C8orf34: variants seen among roughly 807,000 people sequenced by gnomAD.
C8orf34 encodes the protein uncharacterized protein C8orf34.
A neutral mutation model predicts 68.3 loss-of-function variants in C8orf34; 65 were observed. The observed-to-expected ratio is 0.95, with a 90% CI of 0.78 to 1.17. The LOEUF (loss-of-function observed/expected upper bound fraction) is 1.17. C8orf34 is among the 50% of genes most tolerant of loss of function. The pLI, the probability that C8orf34 is intolerant of heterozygous loss-of-function variation, is 0.00. For synonymous variants in C8orf34, 244 were observed against 241.2 expected (o/e 1.01, Z -0.11); for missense variants, 664 against 655.4 (o/e 1.01, Z -0.14).
intron 7 of C8orf34, among the ~76,000 whole-genome samples, chr8:68,557,605 A>G (rs1463009876): frequency 6.6e-6 from 1 of 152,126 alleles, no homozygotes; most frequent in Non-Finnish European, 1.5e-5. Flanking sequence ...AGCTATCAGA[A>G]TGTGCTTTGG....
intron 5 of C8orf34, among the ~76,000 whole-genome samples, chr8:68,514,025 A>T (rs1049883707): frequency 2.0e-5 from 3 of 152,162 alleles, no homozygotes; most frequent in Admixed American, 2.0e-4. Flanking sequence ...GGCATCAAAA[A>T]TGTTGCAGGA....
chr8:68,589,715 G>T (rs1474867413), intron 7 of C8orf34, among the ~76,000 whole-genome samples: 1 of 143,562 alleles, frequency 7.0e-6, no homozygotes, highest in Non-Finnish European at 1.5e-5. Flanking sequence ...GAGAAAGGAG[G>T]AAAGGAAGGA....
chr8:68,744,207 G>A (rs571286587), intron 10 of C8orf34, among the ~76,000 whole-genome samples: 56 of 152,028 alleles, frequency 3.7e-4, no homozygotes, highest in African/African-American at 1.3e-3. Flanking sequence ...CAAACAGAAA[G>A]GACATCCACA....
chr8:68,547,334 A>G (rs1309449268), intron 7 of C8orf34, among the ~76,000 whole-genome samples: 2 of 151,810 alleles, frequency 1.3e-5, no homozygotes, highest in African/African-American at 2.4e-5. Flanking sequence ...GTAAAACAAG[A>G]AGAAAAGTAT....
Position 68,818,647 on chromosome 8 carries a change from A to C in C8orf34, c.*401A>C, listed in dbSNP as rs1183667984. The C allele has an allele frequency of 6.3e-6, 1 of 159,992 alleles. No individual in the cohort carries two copies. The highest frequency in any genetic ancestry group is 1.8e-4 in the East Asian group (1 of 5,538). The allele number at this position is 159,992 out of a possible 1,614,324, so 9.9% of individuals were successfully genotyped here. ...ATAATATTTTCTCATTTTTTAGATTACTAAACATTCTACTTATCCACATGT... is the reference window on the plus strand; with the variant it reads ...ATAATATTTTCTCATTTTTTAGATTCCTAAACATTCTACTTATCCACATGT... On this transcript the variant is annotated 3_prime_UTR_variant, in exon 14 of 14. Coordinates refer to ENST00000518698, the MANE Select transcript of C8orf34 (RefSeq NM_052958.4).
chr8:68,503,493 T>G (rs1813867092), intron 5 of C8orf34, among the ~76,000 whole-genome samples: 1 of 152,104 alleles, frequency 6.6e-6, no homozygotes. Context: ...TTTCCACTTT[T>G]GTATTTGTAT....
At chr8:68,341,767 C>T (rs1270134241) in intron 1 of C8orf34, among the ~76,000 whole-genome samples, 1 of 152,208 alleles carries the variant, frequency 6.6e-6, no homozygotes, top group African/African-American at 2.4e-5. Context: ...TGAGGCCGTC[C>T]CAGAAGCTGA....
At chr8:68,530,216 A>G (rs1370166935) in intron 6 of C8orf34, among the ~76,000 whole-genome samples, 3 of 152,088 alleles carry the variant, frequency 2.0e-5, no homozygotes, top group African/African-American at 7.2e-5. Context: ...TAATAGTCCA[A>G]CCACTGGATT....
chr8:68,757,898 C>T (rs982708091), intron 10 of C8orf34, among the ~76,000 whole-genome samples: 12 of 152,156 alleles, frequency 7.9e-5, no homozygotes, highest in Admixed American at 5.9e-4. Context: ...AAACATATAA[C>T]ATCAACTTTA....
intron 7 of C8orf34, among the ~76,000 whole-genome samples, chr8:68,635,840 A>G (rs543960037): frequency 2.0e-5 from 3 of 152,256 alleles, no homozygotes; most frequent in Admixed American, 6.5e-5. Context: ...CACAGGGGGA[A>G]CTCTAATATC....
chr8:68,662,014 A>G (rs1819694637), intron 8 of C8orf34, among the ~76,000 whole-genome samples: 1 of 152,160 alleles, frequency 6.6e-6, no homozygotes. Context: ...CATGTTAATT[A>G]TATGCAAATA....
Position 68,672,611 on chromosome 8 carries a change from C to T in C8orf34, c.1241+32100C>T, listed in dbSNP as rs139630252. Reference sequence around the variant, plus strand: ...GAGGGAAATCACTCATACCAGCTATCAGAACCTGAGTTCCAGCAAGCCTTG... The same window carrying T: ...GAGGGAAATCACTCATACCAGCTATTAGAACCTGAGTTCCAGCAAGCCTTG... On this transcript the variant is annotated intron_variant, in intron 8 of 13. Coordinates refer to ENST00000518698, the MANE Select transcript of C8orf34 (RefSeq NM_052958.4). 5.9e-5 allele frequency among the ~76,000 whole-genome samples: 9 copies of T among 152,280 alleles called. No individual in the cohort carries two copies. The East Asian group carries it at 1.7e-3, about 29-fold the overall frequency.
chr8:68,755,309 T>C (rs1255966654), intron 10 of C8orf34, among the ~76,000 whole-genome samples: 1 of 152,176 alleles, frequency 6.6e-6, no homozygotes, highest in Admixed American at 6.6e-5. Flanking sequence ...TTGAGTCTGC[T>C]CTAATTCCCT....
At chr8:68,477,558 C>T (rs1026440788) in intron 4 of C8orf34, among the ~76,000 whole-genome samples, 1 of 152,210 alleles carries the variant, frequency 6.6e-6, no homozygotes, top group African/African-American at 2.4e-5. Flanking sequence ...GATCTACTGA[C>T]AGCTTGAACT....
At chr8:68,358,299 A>G (rs1806833821) in intron 1 of C8orf34, among the ~76,000 whole-genome samples, 2 of 152,050 alleles carry the variant, frequency 1.3e-5, no homozygotes, top group African/African-American at 2.4e-5. Flanking sequence ...ATGAACAGCA[A>G]AGATGAAGCA....
At chr8:68,720,888 C>T (rs1205378022) in intron 9 of C8orf34, among the ~76,000 whole-genome samples, 2 of 151,876 alleles carry the variant, frequency 1.3e-5, no homozygotes, top group African/African-American at 4.8e-5. Context: ...AACCAATCAC[C>T]ATTTAATAAT....
At chr8:68,638,272 C>A (rs1818904910) in intron 7 of C8orf34, among the ~76,000 whole-genome samples, 1 of 150,712 alleles carries the variant, frequency 6.6e-6, no homozygotes, top group Non-Finnish European at 1.5e-5. Context: ...CTGGTGCCAC[C>A]AAAAATGCCA....
At chr8:68,708,570 T>C (rs1177121381) in intron 8 of C8orf34, among the ~76,000 whole-genome samples, 1 of 152,188 alleles carries the variant, frequency 6.6e-6, no homozygotes, top group African/African-American at 2.4e-5. Context: ...GTTGGTTGAT[T>C]TGCAAGATTG....
intron 7 of C8orf34, among the ~76,000 whole-genome samples, chr8:68,555,907 A>G (rs1464736219): frequency 2.0e-5 from 3 of 152,140 alleles, no homozygotes; most frequent in African/African-American, 4.8e-5. Flanking sequence ...AGGTACCACT[A>G]TGAATATCCC....
Sources: gnomAD v4.1 joint callset for allele counts (sites outside exome capture counted in the v4.1 genomes callset) on GRCh38, gnomAD v4.1.1 for gene constraint, MANE v1.5 for transcripts, NCBI Gene and HGNC (gene_info 2026-07-23, HGNC 2026-07-21) for gene names.